Variants in ALK observed in about 807,000 individuals in gnomAD.
The protein encoded by ALK is ALK receptor tyrosine kinase, also known as ALK tyrosine kinase receptor.
A neutral mutation model predicts 163.1 loss-of-function variants in ALK; 74 were observed. The ratio of observed to expected loss-of-function variants is 0.45; its 90% CI spans 0.38 to 0.55. The LOEUF (loss-of-function observed/expected upper bound fraction) is 0.55, where lower values mean the gene tolerates loss of function less well. ALK is among the 20% of genes least tolerant of loss of function. The pLI, the probability that ALK is intolerant of heterozygous loss-of-function variation, is 0.00. For missense variants in ALK, 2,063 were observed against 2,105.3 expected, an observed-to-expected ratio of 0.98 and a Z score of 0.39; for synonymous variants, 960 against 843.2, an observed-to-expected ratio of 1.14 and a Z score of -2.40.
chr2:29,373,078 A>G (rs977727054), intron 5 of ALK, among the ~76,000 whole-genome samples: 1 of 152,164 alleles, frequency 6.6e-6, no homozygotes, highest in Non-Finnish European at 1.5e-5. Flanking sequence ...CACCAGCTGG[A>G]GCATCCGTCT....
chr2:29,206,476 T>C (rs1022360682), intron 26 of ALK, among the ~76,000 whole-genome samples: 3 of 152,076 alleles, frequency 2.0e-5, no homozygotes, highest in African/African-American at 7.2e-5. Context: ...CTTGCTATGC[T>C]ACCCAGGCTG....
rs1553387973 is a variant in ALK, at chr2:29,196,788, C to T, written c.4146G>A (p.Arg1382=). Residue 1382 remains arginine, a synonymous_variant, in exon 28 of 29, where the codon AGG becomes AGA. Transcript: ENST00000389048. Reference sequence around the variant, plus strand: ...GTTTTACCTGGGTGCAGTATTCAATCCTCTCCAAAATGATGGCAAAGTTGG... The same window carrying T: ...GTTTTACCTGGGTGCAGTATTCAATTCTCTCCAAAATGATGGCAAAGTTGG... ...DRPNFAIILE[R]IEYCTQDPDV... 2.2e-5 allele frequency: 35 copies of T among 1,613,930 alleles called. No individual in the cohort carries two copies. Among genetic ancestry groups the T allele is most frequent in the Non-Finnish European group, 3.0e-5 (35 of 1,179,768 alleles).
chr2:29,230,117 T>G (rs1053921367), intron 15 of ALK, among the ~76,000 whole-genome samples: 4 of 152,162 alleles, frequency 2.6e-5, no homozygotes, highest in Non-Finnish European at 4.4e-5. Flanking sequence ...GATCCCTCCA[T>G]CACACCAAAA....
chr2:29,453,751 T>C (rs1488955846), intron 4 of ALK, among the ~76,000 whole-genome samples: 1 of 152,068 alleles, frequency 6.6e-6, no homozygotes, highest in Non-Finnish European at 1.5e-5. Context: ...GAAGACGATA[T>C]GGAGCAAGTG....
intron 26 of ALK, among the ~76,000 whole-genome samples, chr2:29,198,814 C>CT (rs1332845848): frequency 4.6e-5 from 7 of 152,044 alleles, no homozygotes; most frequent in Non-Finnish European, 7.4e-5. Flanking sequence ...ATTCATTTCA[C>CT]TTTTTTTTCC....
chr2:29,656,802 G>A (rs976974485), intron 3 of ALK, among the ~76,000 whole-genome samples: 8 of 152,126 alleles, frequency 5.3e-5, no homozygotes, highest in African/African-American at 7.2e-5. Context: ...TAGACATGGC[G>A]TTTGAAGCTC....
chr2:29,224,639 C>T (rs1663888287), intron 19 of ALK: 2 of 225,874 alleles, frequency 8.9e-6, no homozygotes, highest in African/African-American at 4.5e-5. Flanking sequence ...TCAGTTCCCT[C>T]CTCTATGCAA....
chr2:29,531,859 A>G, intron 4 of ALK, 56 bp downstream of exon 4: 1 of 1,589,848 alleles, frequency 6.3e-7, no homozygotes, highest in Admixed American at 1.7e-5. Context: ...GAAATGTGTA[A>G]CCAAAAGCCA....
intron 1 of ALK, among the ~76,000 whole-genome samples, chr2:29,844,492 A>AATT (rs1665788389): frequency 6.6e-6 from 1 of 152,204 alleles, no homozygotes; most frequent in Non-Finnish European, 1.5e-5. Context: ...AGGACATAAA[A>AATT]AGGCCTGTAA....
chr2:29,853,964 C>T (rs1002474913), intron 1 of ALK, among the ~76,000 whole-genome samples: 1 of 151,140 alleles, frequency 6.6e-6, no homozygotes, highest in African/African-American at 2.4e-5. Context: ...GGCTGGAGTG[C>T]AGTGGCACGA....
At chr2:29,197,732 C>T (rs1211204178) in intron 26 of ALK, 56 bp from the exon 27 acceptor site, 14 of 1,371,134 alleles carry the variant, frequency 1.0e-5, no homozygotes, top group East Asian at 2.3e-5. Context: ...CCCACATTCA[C>T]ACACACACAC....
intron 4 of ALK, among the ~76,000 whole-genome samples, chr2:29,464,988 C>T (rs2148105949): frequency 6.6e-6 from 1 of 152,268 alleles, no homozygotes. Context: ...TAACTGGAAT[C>T]CCAGAAGGGA....
chr2:29,337,072 T>C (rs1667636774), intron 5 of ALK, among the ~76,000 whole-genome samples: 1 of 152,098 alleles, frequency 6.6e-6, no homozygotes, highest in Non-Finnish European at 1.5e-5. Flanking sequence ...AAATGGATGG[T>C]GACATGATGA....
chr2:29,511,020 G>A (rs1672495979), intron 4 of ALK, among the ~76,000 whole-genome samples: 1 of 152,160 alleles, frequency 6.6e-6, no homozygotes, highest in Middle Eastern at 3.4e-3. Flanking sequence ...TACACTCAAT[G>A]CACTTGTCTG....
chr2:29,896,137 A>G (rs1054125970), intron 1 of ALK, among the ~76,000 whole-genome samples: 6 of 152,248 alleles, frequency 3.9e-5, no homozygotes, highest in Non-Finnish European at 8.8e-5. Context: ...AGGGGTCACA[A>G]GCTCTTGGGG....
At chr2:29,302,055 C>A (rs911303895) in intron 8 of ALK, among the ~76,000 whole-genome samples, 1 of 152,190 alleles carries the variant, frequency 6.6e-6, no homozygotes, top group African/African-American at 2.4e-5. Context: ...TGAATGATTA[C>A]AAATGTTCTG....
chr2:29,443,610 G>A (rs573542403), intron 4 of ALK, among the ~76,000 whole-genome samples: 64 of 152,288 alleles, frequency 4.2e-4, no homozygotes, highest in Admixed American at 9.2e-4. Flanking sequence ...CACCCCTTAG[G>A]GTGCAGGCCT....
intron 1 of ALK, among the ~76,000 whole-genome samples, chr2:29,765,644 TA>T (rs1038921674): frequency 4.6e-5 from 7 of 151,956 alleles, no homozygotes; most frequent in African/African-American, 1.5e-4. Context: ...CCTTTTTTTT[TA>T]AATTTAAATT....
chr2:29,504,997 G>A (rs369814873), intron 4 of ALK, among the ~76,000 whole-genome samples: 2 of 152,302 alleles, frequency 1.3e-5, no homozygotes, highest in African/African-American at 4.8e-5. Flanking sequence ...AGGGCTGGAG[G>A]TGGGGCAGAG....
Sources: allele counts gnomAD v4.1 joint callset (sites outside exome capture counted in the v4.1 genomes callset), GRCh38; gene constraint gnomAD v4.1.1; transcripts MANE v1.5; gene names NCBI Gene and HGNC (gene_info 2026-07-23, HGNC 2026-07-21).